SLC39A8: variants seen among roughly 807,000 people sequenced by gnomAD.
SLC39A8 encodes solute carrier family 39 member 8, also known as metal cation symporter ZIP8.
Under a neutral mutation model 40.4 loss-of-function variants are expected in SLC39A8, and 15 were observed. The ratio of observed to expected loss-of-function variants is 0.37; its 90% CI spans 0.25 to 0.57. The LOEUF is 0.57. Ranked by LOEUF, SLC39A8 falls within the 20% of genes least tolerant of loss-of-function variation. The pLI is 0.75. For missense variants in SLC39A8, 472 were observed against 558.8 expected (o/e 0.84, Z 1.57); for synonymous variants, 223 against 221.6 (o/e 1.01, Z -0.06).
chr4:102,264,715 C>T (rs937059223), intron 8 of SLC39A8, among the ~76,000 whole-genome samples: 1 of 152,248 alleles, frequency 6.6e-6, no homozygotes, highest in Admixed American at 6.5e-5. Context: ...TCACCTTCAT[C>T]AGTGATCTTA....
chr4:102,325,897 C>T (rs1464508755), intron 2 of SLC39A8, among the ~76,000 whole-genome samples: 2 of 152,174 alleles, frequency 1.3e-5, no homozygotes, highest in Non-Finnish European at 2.9e-5. Flanking sequence ...AGGTTTACAA[C>T]ATTTTCTGTC....
intron 4 of SLC39A8, among the ~76,000 whole-genome samples, 184 bp from the exon 5 acceptor site, chr4:102,305,295 G>C (rs1020850130): frequency 6.6e-6 from 1 of 151,906 alleles, no homozygotes; most frequent in Non-Finnish European, 1.5e-5. Context: ...AAAACTGTAT[G>C]AGATGGCACA....
In SLC39A8 at chr4:102,344,598, G is replaced by T; in HGVS notation, c.65C>A (p.Ala22Glu). 1 of 1,543,450 alleles carries T rather than the reference G, an allele frequency of 6.5e-7. No individual in the cohort carries two copies. Among genetic ancestry groups the T allele is most frequent in the Middle Eastern group, 1.7e-4 (1 of 5,914 alleles). The stretch of plus-strand genomic sequence containing the variant: ...GCTGAAGGCTAGCCCTGGCCCCTCC[G>T]CCACTCCTCCGAGGCCGGCGGCCGC... ...LLAAAGLGGV[A>E]EGPGLAFSED... is the part of the protein sequence containing the mutation. The change falls in exon 2 of 9, where the codon GCG (alanine) becomes GAG (glutamate). Residue 22 changes from alanine to glutamate, a missense_variant. Transcript: ENST00000356736.
At chr4:102,255,444 C>T (rs576898970) in intron 11 of SLC39A8, among the ~76,000 whole-genome samples, 1 of 152,264 alleles carries the variant, frequency 6.6e-6, no homozygotes, top group Admixed American at 6.5e-5. Flanking sequence ...ACTGTTTTCT[C>T]AGCATCCATC....
At chr4:102,253,455 A>C in intron 11 of SLC39A8, 2 of 714,708 alleles carry the variant, frequency 2.8e-6, no homozygotes, top group Non-Finnish European at 5.2e-6. Context: ...GAAGGAACAT[A>C]GTAAAGTTTT....
At chr4:102,340,329 G>A (rs2149057359) in intron 2 of SLC39A8, among the ~76,000 whole-genome samples, 1 of 152,250 alleles carries the variant, frequency 6.6e-6, no homozygotes, top group East Asian at 1.9e-4. Context: ...TAATTTACAT[G>A]TTATAATATA....
chr4:102,262,969 C>A lies in SLC39A8; in HGVS notation c.*75G>T. ...AATTATCTTTTTAACTAAATAGGATCAGCTTCAAAATCCTTTTTGGAGATG... is the reference window on the plus strand; with the variant it reads ...AATTATCTTTTTAACTAAATAGGATAAGCTTCAAAATCCTTTTTGGAGATG... On this transcript the variant is annotated 3_prime_UTR_variant, in exon 9 of 9. Coordinates refer to ENST00000356736, the MANE Select transcript of SLC39A8 (RefSeq NM_001135146.2). 6.7e-7 allele frequency: 1 copy of A among 1,495,768 alleles called. No individual in the cohort carries two copies. The highest frequency in any genetic ancestry group is 8.9e-7 in the Non-Finnish European group (1 of 1,126,400). 92.7% of individuals were successfully genotyped at this position (1,495,768 alleles called of 1,614,324 possible). A position where few individuals can be genotyped will look rare whatever the true frequency, so the allele number is the denominator to read the frequency against.
At chr4:102,278,879 G>C (rs1732746204) in intron 6 of SLC39A8, among the ~76,000 whole-genome samples, 1 of 151,890 alleles carries the variant, frequency 6.6e-6, no homozygotes, top group Non-Finnish European at 1.5e-5. Context: ...CTCATTCTCA[G>C]CAAATTAACA....
At chr4:102,329,346 G>C (rs1227069125) in intron 2 of SLC39A8, among the ~76,000 whole-genome samples, 1 of 152,166 alleles carries the variant, frequency 6.6e-6, no homozygotes, top group African/African-American at 2.4e-5. Flanking sequence ...AAGTTGGCTG[G>C]GCACAGTGGC....
intron 2 of SLC39A8, among the ~76,000 whole-genome samples, chr4:102,329,701 C>A (rs1254672894): frequency 6.6e-6 from 1 of 151,708 alleles, no homozygotes; most frequent in Middle Eastern, 3.5e-3. Flanking sequence ...TTACAGAACT[C>A]TCCACCCCAA....
intron 6 of SLC39A8, among the ~76,000 whole-genome samples, chr4:102,280,750 C>G (rs1732835985): frequency 6.6e-6 from 1 of 152,196 alleles, no homozygotes; most frequent in Admixed American, 6.5e-5. Context: ...ATTTCCAAAA[C>G]TCTCTTTGCT....
chr4:102,253,396 G>T (rs1457352880), exon 12 of SLC39A8: 1 of 715,444 alleles, frequency 1.4e-6, no homozygotes, highest in African/African-American at 1.8e-5. Context: ...AGATGTGGAG[G>T]TGAAATACTC....
intron 11 of SLC39A8, among the ~76,000 whole-genome samples, chr4:102,255,845 A>G (rs548871080): frequency 1.3e-5 from 2 of 152,324 alleles, no homozygotes; most frequent in South Asian, 4.1e-4. Flanking sequence ...ATACAATGTC[A>G]TCTTTATGAC....
At chr4:102,318,636 C>CA (rs964900903) in intron 2 of SLC39A8, among the ~76,000 whole-genome samples, 1 of 152,114 alleles carries the variant, frequency 6.6e-6, no homozygotes, top group Admixed American at 6.6e-5. Flanking sequence ...GTGAGGGCAA[C>CA]AAAACCAACC....
rs1193833893 is a variant in SLC39A8, at chr4:102,262,900, A to G, written c.*144T>C. The G allele has an allele frequency of 1.4e-6, 2 of 1,407,998 alleles. No homozygotes were observed. The highest frequency in any genetic ancestry group is 1.7e-5 in the South Asian group (1 of 60,566). 87.2% of individuals were successfully genotyped at this position (1,407,998 alleles called of 1,614,324 possible). On this transcript the variant is annotated 3_prime_UTR_variant, in exon 9 of 9. Coordinates refer to ENST00000356736, the MANE Select transcript of SLC39A8 (RefSeq NM_001135146.2). The stretch of plus-strand genomic sequence containing the variant: ...CAACAAATAATGGACTATTTCACAG[A>G]CTGATGCCAATAATTAGTTTTCTGG...
intron 2 of SLC39A8, among the ~76,000 whole-genome samples, chr4:102,316,572 C>T (rs1734668418): frequency 6.6e-6 from 1 of 152,082 alleles, no homozygotes; most frequent in Non-Finnish European, 1.5e-5. Context: ...ATATACAGTA[C>T]TTGCATTATT....
At chr4:102,261,657 C>T, downstream of SLC39A8, 2 of 964,692 alleles carry the variant, frequency 2.1e-6, no homozygotes, top group Non-Finnish European at 2.5e-6. Context: ...TAACAAATGA[C>T]ACAATACATG....
At chr4:102,255,936 A>G (rs576810189) in intron 11 of SLC39A8, among the ~76,000 whole-genome samples, 1 of 152,334 alleles carries the variant, frequency 6.6e-6, no homozygotes, top group Admixed American at 6.5e-5. Flanking sequence ...TCTCACGTGC[A>G]TCCTTCTACG....
At chr4:102,337,011 T>C (rs1458273424) in intron 2 of SLC39A8, among the ~76,000 whole-genome samples, 1 of 152,152 alleles carries the variant, frequency 6.6e-6, no homozygotes, top group Non-Finnish European at 1.5e-5. Flanking sequence ...TACTAGCTGT[T>C]TGCACTTAGT....
Sources: gnomAD v4.1 joint callset for allele counts (sites outside exome capture counted in the v4.1 genomes callset) on GRCh38, gnomAD v4.1.1 for gene constraint, MANE v1.5 for transcripts, NCBI Gene and HGNC (gene_info 2026-07-23, HGNC 2026-07-21) for gene names.